The following TMTC1 variants were observed in gnomAD, a reference collection of about 807,000 sequenced individuals.
TMTC1 encodes the protein protein O-mannosyl-transferase TMTC1.
In TMTC1, 73 loss-of-function variants were observed where a neutral mutation model predicts 104.8. The observed-to-expected ratio is 0.70, with a 90% CI of 0.58 to 0.85. TMTC1 has a LOEUF of 0.85. Ranked by LOEUF, TMTC1 falls within the 40% of genes least tolerant of loss-of-function variation. The probability of loss-of-function intolerance (pLI) is 0.00; values close to 1 mark genes in which losing one functional copy is unlikely to be tolerated. For missense variants in TMTC1, 1,035 were observed against 1,096.1 expected, an observed-to-expected ratio of 0.94 and a Z score of 0.79; for synonymous variants, 434 against 428.7, an observed-to-expected ratio of 1.01 and a Z score of -0.15.
chr12:29,703,061 T>G (rs2136806320), intron 5 of TMTC1, among the ~76,000 whole-genome samples: 1 of 151,934 alleles, frequency 6.6e-6, no homozygotes, highest in Middle Eastern at 3.4e-3. Flanking sequence ...GAAGAATTGC[T>G]TGAGCCCAGG....
intron 9 of TMTC1, among the ~76,000 whole-genome samples, chr12:29,571,104 T>C (rs1189235440): frequency 6.6e-6 from 1 of 152,256 alleles, no homozygotes; most frequent in South Asian, 2.1e-4. Context: ...ACTTTAAGCA[T>C]ATCCCAAAGT....
At chr12:29,687,415 A>G (rs924652139) in intron 5 of TMTC1, among the ~76,000 whole-genome samples, 1 of 152,258 alleles carries the variant, frequency 6.6e-6, no homozygotes, top group Non-Finnish European at 1.5e-5. Context: ...TGTGCTCATA[A>G]AAAGTCTCAA....
At chr12:29,732,964 A>G (rs1470076103) in intron 5 of TMTC1, among the ~76,000 whole-genome samples, 1 of 152,314 alleles carries the variant, frequency 6.6e-6, no homozygotes, top group African/African-American at 2.4e-5. Context: ...ACTCAGCTGT[A>G]GGTTTCCAAC....
chr12:29,659,996 A>G (rs761364892), intron 5 of TMTC1: 1 of 1,527,972 alleles, frequency 6.5e-7, no homozygotes, highest in South Asian at 1.2e-5. Flanking sequence ...TCAGAAAATA[A>G]GAAGATTCAG....
chr12:29,633,130 A>G lies in TMTC1; in HGVS notation c.1128+17T>C. ...TGTCTTCAAATGCAGAGTTCATTCTACTTTTGAGAAAATTACCTTAAAGGC... is the reference window on the plus strand; with the variant it reads ...TGTCTTCAAATGCAGAGTTCATTCTGCTTTTGAGAAAATTACCTTAAAGGC... On this transcript the variant is annotated intron_variant, in intron 6 of 17. Coordinates refer to ENST00000539277, the MANE Select transcript of TMTC1 (RefSeq NM_001193451.2). 6 of 1,600,150 alleles carry G rather than the reference A, an allele frequency of 3.7e-6. No individual in the cohort carries two copies. Among genetic ancestry groups the G allele is most frequent in the Non-Finnish European group, 4.3e-6 (5 of 1,169,358 alleles).
At chr12:29,531,124 G>T (rs1054277694) in intron 11 of TMTC1, among the ~76,000 whole-genome samples, 16 of 152,256 alleles carry the variant, frequency 1.1e-4, no homozygotes, top group Admixed American at 6.5e-5. Flanking sequence ...CTCCATGAGG[G>T]TAACCACATA....
intron 5 of TMTC1, chr12:29,666,278 A>ACAATT: frequency 2.6e-6 from 1 of 379,550 alleles, no homozygotes; most frequent in Admixed American, 3.7e-5. Context: ...CCCAGGCTGG[A>ACAATT]GTGCAGTGGC....
At chr12:29,632,962 G>A (rs1462963749) in intron 6 of TMTC1, among the ~76,000 whole-genome samples, 185 bp downstream of exon 6, 1 of 151,990 alleles carries the variant, frequency 6.6e-6, no homozygotes, top group Non-Finnish European at 1.5e-5. Context: ...TCAATACAGG[G>A]TTAGTAGAAA....
chr12:29,549,570 A>G (rs1945040591), intron 10 of TMTC1, among the ~76,000 whole-genome samples: 1 of 152,208 alleles, frequency 6.6e-6, no homozygotes, highest in Non-Finnish European at 1.5e-5. Flanking sequence ...AAACACAGGT[A>G]TAAACACTAG....
At chr12:29,750,449 C>A (rs1291119802) in intron 5 of TMTC1, among the ~76,000 whole-genome samples, 1 of 152,194 alleles carries the variant, frequency 6.6e-6, no homozygotes, top group Non-Finnish European at 1.5e-5. Flanking sequence ...TACACAAGAG[C>A]AAGGACCTTG....
At chr12:29,606,433 T>A (rs1346545015) in intron 6 of TMTC1, among the ~76,000 whole-genome samples, 1 of 152,188 alleles carries the variant, frequency 6.6e-6, no homozygotes, top group Non-Finnish European at 1.5e-5. Flanking sequence ...AGACCCCAAA[T>A]AAAGAGTGTC....
chr12:29,654,212 C>A (rs1021023759), intron 5 of TMTC1, among the ~76,000 whole-genome samples: 1 of 152,024 alleles, frequency 6.6e-6, no homozygotes, highest in Admixed American at 6.6e-5. Flanking sequence ...GGACTTGTAT[C>A]TAGAATATAT....
Position 29,503,404 on chromosome 12 carries a change from C to T in TMTC1, c.*3442G>A, listed in dbSNP as rs1943635286. ...AAAGCATCTGAATCATTTAAAAAAT[C>T]CTGAATGAATAATTCATAAGATTAA... is the stretch of plus-strand genomic sequence containing the variant. On this transcript the variant is annotated 3_prime_UTR_variant, in exon 18 of 18. Transcript: ENST00000539277. 6.6e-6 allele frequency: 1 copy of T among 152,118 alleles called. No homozygotes were observed. The highest frequency in any genetic ancestry group is 6.5e-5 in the Admixed American group (1 of 15,274). The allele number at this position is 152,118 out of a possible 1,614,324, so 9.4% of individuals were successfully genotyped here. A position where few individuals can be genotyped will look rare whatever the true frequency, so the allele number is the denominator to read the frequency against.
At chr12:29,626,720 A>G (rs538238821) in intron 6 of TMTC1, among the ~76,000 whole-genome samples, 3 of 152,210 alleles carry the variant, frequency 2.0e-5, no homozygotes, top group Admixed American at 6.5e-5. Flanking sequence ...AATCTTCATG[A>G]CCTTGGATTT....
chr12:29,516,091 A>G (rs1943978254), intron 15 of TMTC1, among the ~76,000 whole-genome samples: 1 of 152,146 alleles, frequency 6.6e-6, no homozygotes. Flanking sequence ...CTTGATCTTT[A>G]TAGACTTAGC....
intron 5 of TMTC1, among the ~76,000 whole-genome samples, chr12:29,708,240 G>A (rs1941804933): frequency 6.6e-6 from 1 of 152,218 alleles, no homozygotes; most frequent in South Asian, 2.1e-4. Flanking sequence ...GATTCACTTT[G>A]CTTTACTCTG....
At chr12:29,575,364 A>G (rs1434675761) in intron 8 of TMTC1, among the ~76,000 whole-genome samples, 2 of 152,148 alleles carry the variant, frequency 1.3e-5, no homozygotes, top group African/African-American at 4.8e-5. Context: ...CTCAGATTAC[A>G]TATTTACATT....
At chr12:29,782,223 C>T (rs1462282311) in intron 1 of TMTC1, among the ~76,000 whole-genome samples, 1 of 152,276 alleles carries the variant, frequency 6.6e-6, no homozygotes, top group Non-Finnish European at 1.5e-5. Flanking sequence ...ATGTCTATAA[C>T]ACATTCTCTT....
At position 29,623,825 on chromosome 12, in the gene TMTC1, A is replaced by ATAAAT. The variant is rs1555177658; in HGVS notation, c.1128+9317_1128+9321dup. Among the ~76,000 whole-genome samples the ATAAAT allele has an allele frequency of 3.8e-3, 572 of 148,908 alleles. 3 individuals carry two copies. Among genetic ancestry groups the ATAAAT allele is most frequent in the African/African-American group, 9.2e-3 (355 of 38,722 alleles). On this transcript the variant is annotated intron_variant, in intron 6 of 17. Coordinates refer to ENST00000539277, the MANE Select transcript of TMTC1 (RefSeq NM_001193451.2). The stretch of plus-strand genomic sequence containing the variant: ...AAGACTCCGGCTCAAAAATAAATAA[A>ATAAAT]TAAATTAAATTAAATTAAATTAAAT...
Sources: gnomAD v4.1 joint callset for allele counts (sites outside exome capture counted in the v4.1 genomes callset) on GRCh38, gnomAD v4.1.1 for gene constraint, MANE v1.5 for transcripts, NCBI Gene and HGNC (gene_info 2026-07-23, HGNC 2026-07-21) for gene names.